KIF26B: variants seen among roughly 807,000 people sequenced by gnomAD.
The protein encoded by KIF26B is kinesin family member 26B, also known as kinesin-like protein KIF26B.
KIF26B carries 63 observed loss-of-function variants against 151.2 expected under a neutral mutation model. That is an observed-to-expected ratio of 0.42 (90% CI 0.34 to 0.51). The LOEUF (loss-of-function observed/expected upper bound fraction) is 0.51, where lower values mean the gene tolerates loss of function less well. Among genes scored for constraint, KIF26B ranks in the 20% least tolerant of loss-of-function variants. The pLI, the probability that KIF26B is intolerant of heterozygous loss-of-function variation, is 0.07. For synonymous variants in KIF26B, 1,357 were observed against 1,262.1 expected, an observed-to-expected ratio of 1.08 and a Z score of -1.59; for missense variants, 2,813 against 2,913.6, an observed-to-expected ratio of 0.97 and a Z score of 0.79.
chr1:245,464,746 G>A (rs1659740921), intron 4 of KIF26B, among the ~76,000 whole-genome samples: 1 of 152,088 alleles, frequency 6.6e-6, no homozygotes, highest in African/African-American at 2.4e-5. Context: ...TGAGGTTGTG[G>A]TACCAGAGTC....
At chr1:245,231,809 C>G (rs1284623803) in intron 2 of KIF26B, among the ~76,000 whole-genome samples, 1 of 152,096 alleles carries the variant, frequency 6.6e-6, no homozygotes. Context: ...ACGTGCAAAG[C>G]AAGACAAGGA....
At chr1:245,400,910 C>T (rs1444542096) in intron 3 of KIF26B, among the ~76,000 whole-genome samples, 1 of 151,796 alleles carries the variant, frequency 6.6e-6, no homozygotes, top group Non-Finnish European at 1.5e-5. Context: ...TAAAAAAAGA[C>T]CAAAAAAAAC....
At chr1:245,171,407 G>A (rs189548681) in intron 2 of KIF26B, among the ~76,000 whole-genome samples, 1 of 152,256 alleles carries the variant, frequency 6.6e-6, no homozygotes, top group East Asian at 1.9e-4. Flanking sequence ...AGCTGGGTGT[G>A]GTGGCACATG....
intron 2 of KIF26B, among the ~76,000 whole-genome samples, chr1:245,224,560 C>G (rs1333732251): frequency 6.6e-6 from 1 of 152,180 alleles, no homozygotes; most frequent in Non-Finnish European, 1.5e-5. Context: ...CTTGAACTTG[C>G]AAGGAAGAAT....
At chr1:245,482,366 G>T (rs1303428594) in intron 4 of KIF26B, among the ~76,000 whole-genome samples, 1 of 151,878 alleles carries the variant, frequency 6.6e-6, no homozygotes, top group Non-Finnish European at 1.5e-5. Flanking sequence ...GGGATTACAG[G>T]CATGAGCCAC....
At chr1:245,651,564 TG>T (rs1489457604) in intron 10 of KIF26B, among the ~76,000 whole-genome samples, 16 of 152,214 alleles carry the variant, frequency 1.1e-4, no homozygotes, top group Non-Finnish European at 5.9e-5. Flanking sequence ...GGCTCAAGAT[TG>T]CTGTTAGCTA....
intron 4 of KIF26B, among the ~76,000 whole-genome samples, chr1:245,487,967 T>C (rs1435827781): frequency 1.3e-5 from 2 of 152,060 alleles, no homozygotes; most frequent in East Asian, 3.9e-4. Context: ...TTTGTATTTT[T>C]AGTAGAGATG....
chr1:245,674,549 T>A lies in KIF26B; in HGVS notation c.2259-9684T>A, dbSNP rs143557754. ...ATGTAAGTTTTGGCAGTCTATTGAT[T>A]CAGGAGAAATCTATGGATCTATTAT... On this transcript the variant is annotated intron_variant, in intron 10 of 14. Coordinates refer to ENST00000407071, the MANE Select transcript of KIF26B (RefSeq NM_018012.4). 7.9e-3 allele frequency among the ~76,000 whole-genome samples: 1,197 copies of A among 152,342 alleles called. 6 individuals are homozygous for A. Among genetic ancestry groups the A allele is most frequent in the Non-Finnish European group, 0.011 (718 of 68,024 alleles).
intron 4 of KIF26B, among the ~76,000 whole-genome samples, chr1:245,520,611 C>CCATCCAT (rs1558197376): frequency 5.1e-4 from 40 of 78,778 alleles, no homozygotes; most frequent in East Asian, 3.9e-3. Flanking sequence ...CACCCACCCA[C>CCATCCAT]CCATCCATCC....
intron 4 of KIF26B, among the ~76,000 whole-genome samples, chr1:245,527,411 A>G (rs1440432071): frequency 4.6e-5 from 7 of 151,740 alleles, no homozygotes; most frequent in Non-Finnish European, 8.8e-5. Flanking sequence ...TTGTAGGTAC[A>G]TGGTTTCATC....
At chr1:245,642,812 A>G (rs1325824354) in intron 9 of KIF26B, among the ~76,000 whole-genome samples, 1 of 152,126 alleles carries the variant, frequency 6.6e-6, no homozygotes, top group Admixed American at 6.5e-5. Context: ...TTATCTGATT[A>G]CAGAGAGAGG....
At position 245,601,492 on chromosome 1, in the gene KIF26B, A is replaced by G. The variant is rs534184502; in HGVS notation, c.1351-1085A>G. On this transcript the variant is annotated intron_variant, in intron 5 of 14. Coordinates refer to ENST00000407071, the MANE Select transcript of KIF26B (RefSeq NM_018012.4). This position sits in a 1 kb window ranked among gnomAD's most constrained non-coding sequence, Gnocchi z 4.4. ...GAGATTTCACCAAACCTGACAACTG[A>G]TGAGACAAAGAGAACAAGACACAGA... 2.0e-5 allele frequency among the ~76,000 whole-genome samples: 3 copies of G among 152,344 alleles called. No individual in the cohort carries two copies. In the South Asian group the frequency reaches 6.2e-4, roughly 32 times the overall value.
rs557677614 is a variant in KIF26B at position 245,265,118 on chromosome 1, T to C, written c.466-101716T>C. 3.4e-5 allele frequency among the ~76,000 whole-genome samples: 5 copies of C among 146,798 alleles called. No individual in the cohort carries two copies. In the South Asian group the frequency reaches 6.4e-4, roughly 19 times the overall value. Reference sequence around the variant, plus strand: ...TCGGGAGGCTGAGGCAGGAGAATGGTGTGAACCCGGGAGGCGGAGCTGGCA... The same window carrying C: ...TCGGGAGGCTGAGGCAGGAGAATGGCGTGAACCCGGGAGGCGGAGCTGGCA... On this transcript the variant is annotated intron_variant, in intron 2 of 14. Coordinates refer to ENST00000407071, the MANE Select transcript of KIF26B (RefSeq NM_018012.4).
intron 5 of KIF26B, among the ~76,000 whole-genome samples, chr1:245,589,349 G>A (rs1011085081): frequency 6.6e-6 from 1 of 152,128 alleles, no homozygotes; most frequent in East Asian, 1.9e-4. Flanking sequence ...CTGTGATCTC[G>A]CAGGCTGGCA....
At chr1:245,642,833 G>C (rs190389880) in intron 9 of KIF26B, among the ~76,000 whole-genome samples, 16 of 152,304 alleles carry the variant, frequency 1.1e-4, no homozygotes, top group African/African-American at 3.8e-4. Flanking sequence ...GTCTGGAGCT[G>C]TGACTGGGCC....
At chr1:245,210,508 C>CTTTT (rs35803033) in intron 2 of KIF26B, among the ~76,000 whole-genome samples, 3,238 of 129,640 alleles carry the variant, frequency 0.025, 134 homozygotes, top group African/African-American at 0.044. Flanking sequence ...ATATCCTAAG[C>CTTTT]TTTTTTTTTT....
At chr1:245,219,471 G>T (rs1669719131) in intron 2 of KIF26B, among the ~76,000 whole-genome samples, 1 of 152,028 alleles carries the variant, frequency 6.6e-6, no homozygotes, top group Non-Finnish European at 1.5e-5. Flanking sequence ...GGTAGCTCAT[G>T]CCTGTAATCC....
At chr1:245,355,648 G>A (rs1021178911) in intron 2 of KIF26B, among the ~76,000 whole-genome samples, 3 of 151,742 alleles carry the variant, frequency 2.0e-5, no homozygotes, top group Admixed American at 2.0e-4. Flanking sequence ...AAACTTACCA[G>A]CGGTCAAGAA....
intron 5 of KIF26B, among the ~76,000 whole-genome samples, chr1:245,552,652 G>C (rs370785296): frequency 6.9e-6 from 1 of 144,258 alleles, no homozygotes; most frequent in Admixed American, 7.0e-5. Flanking sequence ...TCACTCTGTC[G>C]CCCAGGCTGG....
Sources: gnomAD v4.1 joint callset for allele counts (sites outside exome capture counted in the v4.1 genomes callset) on GRCh38, gnomAD v4.1.1 for gene constraint, Gnocchi (gnomAD v3.1) non-coding constraint, MANE v1.5 for transcripts, NCBI Gene and HGNC (gene_info 2026-07-23, HGNC 2026-07-21) for gene names.